SEL1L2: variants seen among roughly 807,000 people sequenced by gnomAD.
SEL1L2 encodes the protein protein sel-1 homolog 2.
In SEL1L2, 89 loss-of-function variants were observed where a neutral mutation model predicts 98.8. The observed-to-expected ratio is 0.90, with a 90% CI of 0.76 to 1.07. The LOEUF is 1.07. Ranked by LOEUF, SEL1L2 falls within the 50% of genes least tolerant of loss-of-function variation. SEL1L2 has a pLI of 0.00. For missense variants in SEL1L2, 788 were observed against 812.0 expected, an observed-to-expected ratio of 0.97 and a Z score of 0.36; for synonymous variants, 262 against 278.5, an observed-to-expected ratio of 0.94 and a Z score of 0.59.
At chr20:13,886,671 T>C (rs2046971101) in intron 8 of SEL1L2, among the ~76,000 whole-genome samples, 1 of 152,072 alleles carries the variant, frequency 6.6e-6, no homozygotes, top group Non-Finnish European at 1.5e-5. Flanking sequence ...GCAAATCACT[T>C]GAGGTTAGGA....
chr20:13,878,190 C>G (rs1005958835), intron 10 of SEL1L2, among the ~76,000 whole-genome samples: 2 of 152,148 alleles, frequency 1.3e-5, no homozygotes, highest in Non-Finnish European at 1.5e-5. Flanking sequence ...AAGGGCTGAC[C>G]TTGTCCCTTG....
At chr20:13,887,650 T>C (rs1022443157) in intron 8 of SEL1L2, 119 bp downstream of exon 8, 4 of 667,274 alleles carry the variant, frequency 6.0e-6, no homozygotes, top group Non-Finnish European at 1.0e-5. Flanking sequence ...TATTATAACA[T>C]ATTAAAAACG....
intron 11 of SEL1L2, among the ~76,000 whole-genome samples, chr20:13,877,241 C>G (rs181965106): frequency 2.6e-5 from 4 of 152,350 alleles, no homozygotes; most frequent in African/African-American, 9.6e-5. Flanking sequence ...AGATGTCCCA[C>G]TTAGCCGCTT....
intron 18 of SEL1L2, among the ~76,000 whole-genome samples, chr20:13,858,089 G>T (rs1364331378): frequency 6.6e-6 from 1 of 152,098 alleles, no homozygotes; most frequent in African/African-American, 2.4e-5. Flanking sequence ...AGGGTGCCAG[G>T]GCTAATGAAA....
At chr20:13,933,985 A>G (rs1385373764) in intron 2 of SEL1L2, among the ~76,000 whole-genome samples, 1 of 138,988 alleles carries the variant, frequency 7.2e-6, no homozygotes, top group Non-Finnish European at 1.5e-5. Flanking sequence ...TTTAATTTCC[A>G]CAGGTTTTGG....
intron 18 of SEL1L2, among the ~76,000 whole-genome samples, chr20:13,852,531 G>A (rs529042800): frequency 1.4e-4 from 22 of 152,260 alleles, no homozygotes; most frequent in Admixed American, 1.2e-3. Flanking sequence ...CCTCCAGATG[G>A]TGTTTTGAAG....
intron 10 of SEL1L2, among the ~76,000 whole-genome samples, chr20:13,882,567 C>T (rs2046755706): frequency 6.6e-6 from 1 of 152,148 alleles, no homozygotes; most frequent in Admixed American, 6.6e-5. Flanking sequence ...CTCGCAGTCA[C>T]AGATGAAGCC....
At chr20:13,957,835 C>T (rs540505148) in intron 1 of SEL1L2, among the ~76,000 whole-genome samples, 509 of 152,198 alleles carry the variant, frequency 3.3e-3, no homozygotes, top group Non-Finnish European at 5.0e-3. Flanking sequence ...AGAAATTGCG[C>T]CACTGTACTC....
intron 1 of SEL1L2, among the ~76,000 whole-genome samples, chr20:13,973,882 G>T (rs1321463391): frequency 6.6e-6 from 1 of 152,088 alleles, no homozygotes; most frequent in Non-Finnish European, 1.5e-5. Context: ...GCTGGCACAT[G>T]ACCACACAAT....
At chr20:13,978,641 C>T (rs1287140978) in intron 1 of SEL1L2, among the ~76,000 whole-genome samples, 4 of 151,658 alleles carry the variant, frequency 2.6e-5, no homozygotes, top group Non-Finnish European at 5.9e-5. Context: ...TCACAATAAC[C>T]AAGATATGAA....
At chr20:13,976,742 GC>G (rs1442362612) in intron 1 of SEL1L2, among the ~76,000 whole-genome samples, 1 of 152,166 alleles carries the variant, frequency 6.6e-6, no homozygotes, top group Non-Finnish European at 1.5e-5. Flanking sequence ...AGTTAGAAGT[GC>G]ATTAGTGTAG....
intron 10 of SEL1L2, among the ~76,000 whole-genome samples, chr20:13,884,186 G>A (rs1056117017): frequency 2.0e-5 from 3 of 152,054 alleles, no homozygotes; most frequent in East Asian, 1.9e-4. Context: ...ACTTTTTTAC[G>A]TAATAGCCTT....
chr20:13,855,667 C>T (rs1214536310), intron 18 of SEL1L2, among the ~76,000 whole-genome samples: 1 of 152,204 alleles, frequency 6.6e-6, no homozygotes, highest in Non-Finnish European at 1.5e-5. Context: ...CTTCCATCAC[C>T]TGGTTTTGGG....
chr20:13,974,588 C>G (rs367813246), intron 1 of SEL1L2, among the ~76,000 whole-genome samples: 1 of 144,698 alleles, frequency 6.9e-6, no homozygotes, highest in Non-Finnish European at 1.5e-5. Flanking sequence ...AAGAGATTCT[C>G]GTGCCTCAGC....
At chr20:13,989,132 T>C (rs899269079) in intron 1 of SEL1L2, among the ~76,000 whole-genome samples, 2 of 152,248 alleles carry the variant, frequency 1.3e-5, no homozygotes, top group African/African-American at 2.4e-5. Flanking sequence ...AGTCTTTTCA[T>C]GTAGTGAAGT....
At chr20:13,990,391 A>T in intron 1 of SEL1L2, 86 bp downstream of exon 1, 1 of 878,184 alleles carries the variant, frequency 1.1e-6, no homozygotes, top group Non-Finnish European at 1.9e-6. Flanking sequence ...AGTTACTTCT[A>T]GTCTTTTAAT....
chr20:13,882,932 T>C (rs540468947), intron 10 of SEL1L2, among the ~76,000 whole-genome samples: 2 of 147,498 alleles, frequency 1.4e-5, no homozygotes. Context: ...TTCTCCTGCC[T>C]CAGCCTCCCA....
upstream of SEL1L2, among the ~76,000 whole-genome samples, chr20:13,991,542 A>G (rs753223833): frequency 3.3e-5 from 5 of 152,230 alleles, no homozygotes. Flanking sequence ...AGTGGCTGCC[A>G]GCATTCCTTG....
chr20:13,984,450 T>C (rs1281619909), intron 1 of SEL1L2, among the ~76,000 whole-genome samples: 3 of 152,244 alleles, frequency 2.0e-5, no homozygotes, highest in Admixed American at 1.3e-4. Context: ...GCAATTTCTA[T>C]GTTCTTAGTA....
Sources: gnomAD v4.1 joint callset for allele counts (sites outside exome capture counted in the v4.1 genomes callset) on GRCh38, gnomAD v4.1.1 for gene constraint, MANE v1.5 for transcripts, NCBI Gene and HGNC (gene_info 2026-07-23, HGNC 2026-07-21) for gene names.